The following AFF3 variants were observed in gnomAD, a reference collection of about 807,000 sequenced individuals.
The protein encoded by AFF3 is AF4/FMR2 family member 3.
Under a neutral mutation model 129.7 loss-of-function variants are expected in AFF3, and 32 were observed. The ratio of observed to expected loss-of-function variants is 0.25; its 90% CI spans 0.19 to 0.33. AFF3 has a LOEUF of 0.33. Among genes scored for constraint, AFF3 ranks in the 10% least tolerant of loss-of-function variants. AFF3 has a pLI of 1.00. For synonymous variants in AFF3, 644 were observed against 635.4 expected (o/e 1.01, Z -0.20); for missense variants, 1,373 against 1,592.0 (o/e 0.86, Z 2.34).
At chr2:100,106,184 A>C (rs1202572163) in intron 2 of AFF3, 10 of 1,195,222 alleles carry the variant, frequency 8.4e-6, no homozygotes, top group Non-Finnish European at 1.1e-5. Flanking sequence ...TCCTTTCTTC[A>C]TTAGCATCCA....
chr2:100,141,800 C>T (rs1477110643), intron 1 of AFF3, among the ~76,000 whole-genome samples: 2 of 152,100 alleles, frequency 1.3e-5, no homozygotes, highest in Admixed American at 1.3e-4. Context: ...CATATATATA[C>T]ACACATAAAC....
intron 10 of AFF3, among the ~76,000 whole-genome samples, chr2:99,729,536 A>T (rs762093645): frequency 6.4e-4 from 97 of 152,254 alleles, no homozygotes; most frequent in Non-Finnish European, 9.3e-4. Context: ...GATTAAAACT[A>T]TTTTTGTCCT....
At chr2:100,028,661 T>C (rs1684242359) in intron 4 of AFF3, among the ~76,000 whole-genome samples, 1 of 152,202 alleles carries the variant, frequency 6.6e-6, no homozygotes, top group African/African-American at 2.4e-5. Context: ...AATTTTATTT[T>C]TCCATTTTCT....
intron 2 of AFF3, chr2:100,107,257 A>G (rs1691343072): frequency 1.0e-6 from 1 of 985,306 alleles, no homozygotes; most frequent in Non-Finnish European, 1.2e-6. Flanking sequence ...TAAAATGTAG[A>G]ACAGTTAGTG....
At chr2:99,682,670 C>T (rs1351145684) in intron 11 of AFF3, among the ~76,000 whole-genome samples, 6 of 152,210 alleles carry the variant, frequency 3.9e-5, no homozygotes. Flanking sequence ...TTGGCATCAT[C>T]TCCCCTTTGA....
At chr2:99,997,480 C>G (rs918812075) in intron 7 of AFF3, among the ~76,000 whole-genome samples, 6 of 151,766 alleles carry the variant, frequency 4.0e-5, no homozygotes, top group Non-Finnish European at 7.4e-5. Flanking sequence ...CTATCACCCC[C>G]CCCCCAGATT....
At chr2:99,758,729 A>C (rs138621849) in intron 8 of AFF3, among the ~76,000 whole-genome samples, 1 of 152,138 alleles carries the variant, frequency 6.6e-6, no homozygotes, top group Admixed American at 6.6e-5. Flanking sequence ...ACTTATGCCC[A>C]ATCTTTAACG....
At chr2:99,736,829 C>T (rs1680305430) in intron 10 of AFF3, among the ~76,000 whole-genome samples, 2 of 151,928 alleles carry the variant, frequency 1.3e-5, no homozygotes, top group African/African-American at 2.4e-5. Context: ...AGGCTTGTCT[C>T]GAACTCCTGG....
intron 18 of AFF3, 65 bp downstream of exon 18, chr2:99,578,262 C>A: frequency 2.0e-6 from 3 of 1,504,970 alleles, no homozygotes; most frequent in Admixed American, 2.5e-5. Flanking sequence ...TGCCCATGCC[C>A]CTTCCACCTG....
intron 11 of AFF3, among the ~76,000 whole-genome samples, chr2:99,691,394 T>G (rs1352378615): frequency 2.0e-5 from 3 of 152,202 alleles, no homozygotes; most frequent in African/African-American, 7.2e-5. Context: ...TTTGGAGCAT[T>G]CAGAGTTGCT....
chr2:99,734,448 C>T (rs984651020), intron 10 of AFF3, among the ~76,000 whole-genome samples: 13 of 152,008 alleles, frequency 8.6e-5, no homozygotes, highest in African/African-American at 3.1e-4. Context: ...TGTCTTGTTC[C>T]TCATCTTGAG....
chr2:99,944,108 C>T (rs1484521056), intron 7 of AFF3, among the ~76,000 whole-genome samples: 2 of 151,992 alleles, frequency 1.3e-5, no homozygotes, highest in African/African-American at 4.8e-5. Context: ...CCTAAATTAC[C>T]AAGGCTGGTC....
At chr2:99,942,581 G>A (rs1487645978) in intron 7 of AFF3, among the ~76,000 whole-genome samples, 2 of 151,624 alleles carry the variant, frequency 1.3e-5, no homozygotes, top group African/African-American at 4.8e-5. Context: ...AATGGCCTGT[G>A]AAGGGCTTGG....
chr2:99,593,640 G>A lies in AFF3; in HGVS notation c.2021C>T (p.Ser674Phe), dbSNP rs368475000. 3 of 1,608,662 alleles carry A rather than the reference G, an allele frequency of 1.9e-6. No individual in the cohort carries two copies. The highest frequency in any genetic ancestry group is 2.7e-5 in the African/African-American group (2 of 74,778). The change falls in exon 15 of 25, where the codon TCC becomes TTC. Residue 674 changes from serine to phenylalanine, a missense_variant. Transcript: ENST00000672756. ...CTCCAGGTCGGAGTCCGAGGAGGAGGATGAAGATGACGACTCTGTCTCAAT... is the reference window on the plus strand; with the variant it reads ...CTCCAGGTCGGAGTCCGAGGAGGAGAATGAAGATGACGACTCTGTCTCAAT... ...EFIETESSSS[S>F]SSSDSDLESE...
At chr2:99,606,638 A>C (rs1253155006) in intron 13 of AFF3, among the ~76,000 whole-genome samples, 1 of 152,094 alleles carries the variant, frequency 6.6e-6, no homozygotes, top group Non-Finnish European at 1.5e-5. Flanking sequence ...GTACTTCAGG[A>C]CGGGCGCGGT....
At chr2:99,625,689 T>C (rs571808445) in intron 13 of AFF3, among the ~76,000 whole-genome samples, 2 of 152,310 alleles carry the variant, frequency 1.3e-5, no homozygotes, top group East Asian at 3.9e-4. Flanking sequence ...GAATTCATAT[T>C]TCAGGTTGCC....
chr2:99,837,424 A>G, intron 8 of AFF3, 53 bp downstream of exon 8: 1 of 1,548,786 alleles, frequency 6.5e-7, no homozygotes, highest in African/African-American at 1.4e-5. Flanking sequence ...TTTCCTTTCT[A>G]TTTAGAGTCT....
At chr2:99,769,732 T>C (rs954744163) in intron 8 of AFF3, among the ~76,000 whole-genome samples, 10 of 152,232 alleles carry the variant, frequency 6.6e-5, no homozygotes, top group African/African-American at 1.9e-4. Flanking sequence ...ACATTGTAGT[T>C]CATGCAGACT....
At chr2:99,794,686 G>A (rs1685438821) in intron 8 of AFF3, among the ~76,000 whole-genome samples, 1 of 151,978 alleles carries the variant, frequency 6.6e-6, no homozygotes, top group Non-Finnish European at 1.5e-5. Context: ...AGCTGCCTAG[G>A]CCTTTTCATA....
Sources: gnomAD v4.1 joint callset for allele counts (sites outside exome capture counted in the v4.1 genomes callset) on GRCh38, gnomAD v4.1.1 for gene constraint, MANE v1.5 for transcripts, NCBI Gene and HGNC (gene_info 2026-07-23, HGNC 2026-07-21) for gene names.